OPCML: variants seen among roughly 807,000 people sequenced by gnomAD.
OPCML encodes opioid-binding protein/cell adhesion molecule.
Under a neutral mutation model 37.8 loss-of-function variants are expected in OPCML, and 13 were observed. That is an observed-to-expected ratio of 0.34 (90% confidence interval 0.22 to 0.55). OPCML has a LOEUF of 0.55. OPCML is among the 20% of genes least tolerant of loss of function. The pLI, the probability that OPCML is intolerant of heterozygous loss-of-function variation, is 0.91. For missense variants in OPCML, 341 were observed against 435.6 expected (o/e 0.78, Z 1.93); for synonymous variants, 176 against 168.8 (o/e 1.04, Z -0.33).
chr11:133,332,065 GC>G (rs1210858974), intron 1 of OPCML, among the ~76,000 whole-genome samples: 1 of 152,142 alleles, frequency 6.6e-6, no homozygotes, highest in Non-Finnish European at 1.5e-5. Context: ...CTATCCATGA[GC>G]ATGGGATGAT....
intron 2 of OPCML, among the ~76,000 whole-genome samples, chr11:132,752,243 G>A (rs899389119): frequency 2.7e-5 from 4 of 149,582 alleles, no homozygotes; most frequent in East Asian, 3.9e-4. Context: ...TTCACACCAA[G>A]CATCCCCTTA....
At chr11:132,867,408 C>CT (rs1239279901) in intron 2 of OPCML, among the ~76,000 whole-genome samples, 18 of 152,272 alleles carry the variant, frequency 1.2e-4, no homozygotes, top group Middle Eastern at 3.4e-3. Context: ...GCATGGGAAT[C>CT]TCACCAAGAT....
intron 2 of OPCML, among the ~76,000 whole-genome samples, chr11:132,927,095 C>T (rs1945021377): frequency 6.6e-6 from 1 of 151,790 alleles, no homozygotes; most frequent in Admixed American, 6.6e-5. Context: ...TATGAGAGTT[C>T]CGGGAAAAGA....
At chr11:132,568,027 TGTGTGTGTGTGTGTGCGCGCGCGCGC>T (rs2096428087) in intron 3 of OPCML, among the ~76,000 whole-genome samples, 2 of 141,834 alleles carry the variant, frequency 1.4e-5, no homozygotes, top group South Asian at 2.4e-4. Flanking sequence ...AATAGATCTG[TGTGTGTGTGTGTGTGCGCGCGCGCGC>T]GTGTGTGTGT....
At chr11:133,304,810 C>T (rs1206640028) in intron 1 of OPCML, among the ~76,000 whole-genome samples, 1 of 152,146 alleles carries the variant, frequency 6.6e-6, no homozygotes, top group Non-Finnish European at 1.5e-5. Flanking sequence ...TAACCCCTTC[C>T]TTTTCAAAAA....
intron 1 of OPCML, among the ~76,000 whole-genome samples, chr11:133,528,294 A>G (rs894987900): frequency 1.3e-5 from 2 of 152,164 alleles, no homozygotes; most frequent in African/African-American, 2.4e-5. Context: ...CCTTATTAAC[A>G]TGTCGATCAT....
chr11:133,058,235 C>T (rs1385120192), intron 1 of OPCML, among the ~76,000 whole-genome samples: 3 of 152,114 alleles, frequency 2.0e-5, no homozygotes, highest in South Asian at 4.2e-4. Context: ...TCCTTGGTTG[C>T]GTAAAGACTT....
At chr11:133,213,988 T>C (rs1962861) in intron 1 of OPCML, among the ~76,000 whole-genome samples, 40,219 of 152,078 alleles carry the variant, frequency 0.26, 6,597 homozygotes, top group East Asian at 0.48. Flanking sequence ...AGATGTATGA[T>C]GAAAATGGTT....
chr11:132,686,245 T>G (rs1482461566), intron 2 of OPCML, among the ~76,000 whole-genome samples: 1 of 152,062 alleles, frequency 6.6e-6, no homozygotes, highest in Non-Finnish European at 1.5e-5. Flanking sequence ...GACATGACAA[T>G]CCCAAATACA....
At chr11:132,858,990 A>AT (rs1942181492) in intron 2 of OPCML, among the ~76,000 whole-genome samples, 1 of 152,264 alleles carries the variant, frequency 6.6e-6, no homozygotes, top group South Asian at 2.1e-4. Flanking sequence ...AGGGTACTTG[A>AT]TTGATTAGTT....
At chr11:132,453,126 T>C (rs1376569590) in intron 4 of OPCML, among the ~76,000 whole-genome samples, 1 of 152,226 alleles carries the variant, frequency 6.6e-6, no homozygotes, top group African/African-American at 2.4e-5. Context: ...ATGCCCCTCA[T>C]CTGGGTTCCT....
At chr11:132,841,219 G>C (rs117142692) in intron 2 of OPCML, among the ~76,000 whole-genome samples, 1 of 152,176 alleles carries the variant, frequency 6.6e-6, no homozygotes, top group Non-Finnish European at 1.5e-5. Flanking sequence ...CCCACAACCC[G>C]AAGTGCCGCA....
At chr11:133,095,040 G>A (rs73590520) in intron 1 of OPCML, among the ~76,000 whole-genome samples, 6,072 of 151,898 alleles carry the variant, frequency 0.04, 387 homozygotes, top group African/African-American at 0.14. Context: ...TATTCCCAAG[G>A]GGAAATCAAG....
chr11:132,638,822 T>C (rs1591656740), intron 3 of OPCML, among the ~76,000 whole-genome samples: 2 of 152,278 alleles, frequency 1.3e-5, no homozygotes, highest in East Asian at 1.9e-4. Context: ...AAACTATCCT[T>C]TAAAACCCCT....
chr11:133,014,933 A>G (rs993622158), intron 1 of OPCML, among the ~76,000 whole-genome samples: 1 of 152,200 alleles, frequency 6.6e-6, no homozygotes, highest in African/African-American at 2.4e-5. Context: ...ACAGAAGAAT[A>G]GAGGAATGAA....
chr11:133,458,523 C>CTGTGTGTGTATACACATATATACACG (rs1565645401), intron 1 of OPCML, among the ~76,000 whole-genome samples: 57 of 94,298 alleles, frequency 6.0e-4, no homozygotes, highest in Non-Finnish European at 6.6e-4. Context: ...CATATATACA[C>CTGTGTGTGTATACACATATATACACG]TGTGTGTGTA....
At position 132,714,698 on chromosome 11, in the gene OPCML, G is replaced by A. The variant is rs546380469; in HGVS notation, c.147-57379C>T. 6.6e-5 allele frequency among the ~76,000 whole-genome samples: 10 copies of A among 152,278 alleles called. No homozygotes were observed. The South Asian group carries it at 2.1e-3, about 32-fold the overall frequency. On this transcript the variant is annotated intron_variant, in intron 2 of 7. Transcript: ENST00000524381. ...AAGAGTCTTTTAATGTTTTATTTGAGTAATGGGCCTTGCAAATTAGCACCC... is the reference window on the plus strand; with the variant it reads ...AAGAGTCTTTTAATGTTTTATTTGAATAATGGGCCTTGCAAATTAGCACCC...
chr11:132,870,113 AT>A (rs1403355772), intron 2 of OPCML, among the ~76,000 whole-genome samples: 1 of 152,130 alleles, frequency 6.6e-6, no homozygotes, highest in East Asian at 1.9e-4. Context: ...CATAACATAG[AT>A]ATTACTAATT....
chr11:133,260,318 T>G (rs894328653), intron 1 of OPCML, among the ~76,000 whole-genome samples: 15 of 151,812 alleles, frequency 9.9e-5, no homozygotes, highest in African/African-American at 3.6e-4. Flanking sequence ...GAGGCAGAAA[T>G]GTAAGAGATG....
Sources: allele counts gnomAD v4.1 joint callset (sites outside exome capture counted in the v4.1 genomes callset), GRCh38; gene constraint gnomAD v4.1.1; transcripts MANE v1.5; gene names NCBI Gene and HGNC (gene_info 2026-07-23, HGNC 2026-07-21).